The following SVIL variants were observed in gnomAD, a reference collection of about 807,000 sequenced individuals.
SVIL encodes the protein archvillin.
SVIL carries 101 observed loss-of-function variants against 240.4 expected under a neutral mutation model. That is an observed-to-expected ratio of 0.42 (90% CI 0.36 to 0.50). The LOEUF (loss-of-function observed/expected upper bound fraction) is 0.50, where lower values mean the gene tolerates loss of function less well. SVIL is among the 20% of genes least tolerant of loss of function. SVIL has a pLI of 0.01. For missense variants in SVIL, 2,512 were observed against 2,818.7 expected, an observed-to-expected ratio of 0.89 and a Z score of 2.46; for synonymous variants, 999 against 1,100.0, an observed-to-expected ratio of 0.91 and a Z score of 1.82.
intron 1 of SVIL, among the ~76,000 whole-genome samples, chr10:29,571,767 C>T (rs1955430518): frequency 6.6e-6 from 1 of 152,150 alleles, no homozygotes; most frequent in Admixed American, 6.5e-5. Context: ...ACTGATTGTA[C>T]AGAAAAACGG....
Position 29,484,523 on chromosome 10 carries a change from C to T in SVIL, c.4955+133G>A, listed in dbSNP as rs1947208102. 5 of 605,380 alleles carry T rather than the reference C, an allele frequency of 8.3e-6. No homozygotes were observed. Among genetic ancestry groups the T allele is most frequent in the Non-Finnish European group, 1.3e-5 (5 of 389,654 alleles). The allele number at this position is 605,380 out of a possible 1,614,324, so 37.5% of individuals were successfully genotyped here. A position where few individuals can be genotyped will look rare whatever the true frequency, so the allele number is the denominator to read the frequency against. On this transcript the variant is annotated intron_variant, in intron 27 of 37. Transcript: ENST00000355867. The surrounding 1 kb of genome is among the most constrained non-coding windows in gnomAD (Gnocchi z 4.7). Reference sequence around the variant, plus strand: ...GAACTGTTCCTTTTGTGAATATTCACAGTCCACTGCATATAATCGTTTATG... The same window carrying T: ...GAACTGTTCCTTTTGTGAATATTCATAGTCCACTGCATATAATCGTTTATG...
At chr10:29,537,632 A>C (rs1951835536) in intron 6 of SVIL, among the ~76,000 whole-genome samples, 1 of 152,240 alleles carries the variant, frequency 6.6e-6, no homozygotes, top group South Asian at 2.1e-4. Flanking sequence ...GAATTTTTCA[A>C]CACCAGGCTG....
At chr10:29,478,726 G>A (rs1156397821) in intron 29 of SVIL, among the ~76,000 whole-genome samples, 4 of 151,668 alleles carry the variant, frequency 2.6e-5, no homozygotes, top group Non-Finnish European at 5.9e-5. Context: ...TTTGAGACCA[G>A]CCTGGGCAAC....
At chr10:29,709,020 T>A (rs1270453370) in intron 1 of SVIL, among the ~76,000 whole-genome samples, 1 of 151,748 alleles carries the variant, frequency 6.6e-6, no homozygotes, top group Non-Finnish European at 1.5e-5. Context: ...CACAAAAAAT[T>A]GAAGAAAAGA....
At position 29,458,242 on chromosome 10, in the gene SVIL, C is replaced by G. The variant is rs1035420756; in HGVS notation, c.*5G>C. On this transcript the variant is annotated 3_prime_UTR_variant, in exon 38 of 38. Transcript: ENST00000355867. ...GACCGTGAGGCTCCTCTGGCGTCTC[C>G]CCACTCAGAACAGGCCTTTTGCTTT... The G allele has an allele frequency of 6.2e-7, 1 of 1,614,100 alleles. No homozygotes were observed. The highest frequency in any genetic ancestry group is 8.5e-7 in the Non-Finnish European group (1 of 1,179,984).
intron 6 of SVIL, among the ~76,000 whole-genome samples, chr10:29,537,900 A>G (rs936715187): frequency 6.6e-6 from 1 of 152,114 alleles, no homozygotes; most frequent in African/African-American, 2.4e-5. Flanking sequence ...CATCACATCA[A>G]TTTTGCCCAC....
intron 21 of SVIL, 101 bp downstream of exon 21, chr10:29,493,113 G>A: frequency 7.4e-7 from 1 of 1,345,952 alleles, no homozygotes. Flanking sequence ...GAGTTAGAAG[G>A]AGAAGGAGGC....
chr10:29,566,911 G>A (rs1955020497), intron 2 of SVIL, among the ~76,000 whole-genome samples: 1 of 152,150 alleles, frequency 6.6e-6, no homozygotes, highest in Admixed American at 6.6e-5. Context: ...TGCAGGCCTT[G>A]GTGTCTCACT....
intron 6 of SVIL, among the ~76,000 whole-genome samples, chr10:29,536,573 C>T (rs1239929858): frequency 6.6e-6 from 1 of 152,076 alleles, no homozygotes; most frequent in East Asian, 1.9e-4. Context: ...GTATCTAAGG[C>T]CATCAAATCA....
rs187454853 is a variant in SVIL at position 29,731,023 on chromosome 10, A to G, written c.-400+4728T>C. ...ACATGTACGTAAAATTTGATAAACC[A>G]TATAACGCCTCTTCTATCTTCCTGT... On this transcript the variant is annotated intron_variant, in intron 1 of 35. Coordinates refer to the SVIL transcript ENST00000375400. Among the ~76,000 whole-genome samples, 342 of 152,336 alleles carry G rather than the reference A, an allele frequency of 2.2e-3. 1 individual carries two copies. The highest frequency in any genetic ancestry group is 3.9e-3 in the Non-Finnish European group (268 of 68,032).
At chr10:29,588,430 A>G (rs183740684) in intron 1 of SVIL, among the ~76,000 whole-genome samples, 2,387 of 150,312 alleles carry the variant, frequency 0.016, 81 homozygotes, top group African/African-American at 0.056. Context: ...TTGGACACCC[A>G]GCAGTGAACA....
At chr10:29,617,087 G>A (rs1231193680) in intron 1 of SVIL, among the ~76,000 whole-genome samples, 7 of 152,120 alleles carry the variant, frequency 4.6e-5, no homozygotes, top group Non-Finnish European at 1.0e-4. Context: ...CTAAAATAAC[G>A]CTTATCTTCC....
intron 1 of SVIL, among the ~76,000 whole-genome samples, chr10:29,729,833 C>CAAAAA (rs71023507): frequency 9.2e-5 from 3 of 32,512 alleles, no homozygotes; most frequent in African/African-American, 2.8e-4. Flanking sequence ...GACTCCATCT[C>CAAAAA]AAAAAAAAAA....
At chr10:29,650,756 C>G (rs1032763116) in intron 3 of SVIL, among the ~76,000 whole-genome samples, 4 of 152,086 alleles carry the variant, frequency 2.6e-5, no homozygotes, top group Admixed American at 6.5e-5. Flanking sequence ...TGGAGAACAA[C>G]TGGGCAACAT....
In SVIL at chr10:29,522,521, T is replaced by C. The variant is rs1950626158; in HGVS notation, c.3278A>G (p.Gln1093Arg). ...ACATGGATTCTTGCAGAGCTTCTCC[T>C]GTGGCTGTTCCGAAGAATCCTGGGG... Reference protein sequence around the residue: ...WKPQDSSEQPQEKLCKNPCAM... With the variant: ...WKPQDSSEQPREKLCKNPCAM... Residue 1093 changes from glutamine to arginine, a missense_variant, in exon 16 of 38, where the codon CAG (glutamine) becomes CGG (arginine). By Grantham distance (43) the Gln-to-Arg change is conservative. Transcript: ENST00000355867. 1 of 1,614,224 alleles carries C rather than the reference T, an allele frequency of 6.2e-7. No homozygotes were observed. The highest frequency in any genetic ancestry group is 8.5e-7 in the Non-Finnish European group (1 of 1,180,032).
rs145897084 is a variant in SVIL, at chr10:29,715,927, T to G, written c.-400+19824A>C. Among the ~76,000 whole-genome samples, 811 of 152,374 alleles carry G rather than the reference T, an allele frequency of 5.3e-3. 3 individuals carry two copies. Among genetic ancestry groups the G allele is most frequent in the Non-Finnish European group, 9.4e-3 (638 of 68,036 alleles). On this transcript the variant is annotated intron_variant, in intron 1 of 35. Coordinates refer to the SVIL transcript ENST00000375400. The stretch of plus-strand genomic sequence containing the variant: ...TGGTGAGTGCAACTGAGGAACTGAA[T>G]GTCAACTTTTAATTAATTTCACATG...
chr10:29,507,549 A>G (rs1019777420), intron 17 of SVIL, among the ~76,000 whole-genome samples: 1 of 68,192 alleles, frequency 1.5e-5, no homozygotes, highest in African/African-American at 6.1e-5. Flanking sequence ...TCTCACAGAT[A>G]CACACTCATA....
chr10:29,461,698 T>C (rs1944278559), intron 36 of SVIL, among the ~76,000 whole-genome samples: 1 of 152,204 alleles, frequency 6.6e-6, no homozygotes, highest in African/African-American at 2.4e-5. Flanking sequence ...GAAAACATTC[T>C]AGATTATAAT....
intron 1 of SVIL, among the ~76,000 whole-genome samples, chr10:29,728,608 G>T (rs187863264): frequency 6.6e-6 from 1 of 152,094 alleles, no homozygotes; most frequent in African/African-American, 2.4e-5. Flanking sequence ...CTGTCAAAAA[G>T]GGGGAGGAAG....
Sources: gnomAD v4.1 joint callset for allele counts (sites outside exome capture counted in the v4.1 genomes callset) on GRCh38, gnomAD v4.1.1 for gene constraint, Gnocchi (gnomAD v3.1) non-coding constraint, MANE v1.5 for transcripts, NCBI Gene and HGNC (gene_info 2026-07-23, HGNC 2026-07-21) for gene names.